The following ATP12A variants were observed in gnomAD, a reference collection of about 807,000 sequenced individuals.
ATP12A encodes the protein ATPase H+/K+ transporting non-gastric alpha2 subunit, also known as potassium-transporting ATPase alpha chain 2.
A neutral mutation model predicts 111.2 loss-of-function variants in ATP12A; 81 were observed. The observed-to-expected ratio is 0.73, with a 90% confidence interval of 0.61 to 0.88. The LOEUF is 0.88. ATP12A is among the 40% of genes least tolerant of loss of function. The pLI is 0.00. For missense variants in ATP12A, 1,196 were observed against 1,313.1 expected (o/e 0.91, Z 1.38); for synonymous variants, 498 against 499.8 (o/e 1.00, Z 0.05).
intron 17 of ATP12A, among the ~76,000 whole-genome samples, chr13:24,708,102 C>T (rs1875750400): frequency 1.3e-5 from 2 of 152,158 alleles, no homozygotes; most frequent in Admixed American, 6.5e-5. Context: ...GGCCCAGTGA[C>T]TAAAGTGATA....
At chr13:24,698,300 C>T (rs1335305516) in intron 11 of ATP12A, among the ~76,000 whole-genome samples, 1 of 152,100 alleles carries the variant, frequency 6.6e-6, no homozygotes, top group Non-Finnish European at 1.5e-5. Context: ...GACGGCTGCT[C>T]CCCACAGGGA....
In ATP12A at chr13:24,692,578, G is replaced by A. The variant is rs754888521; in HGVS notation, c.1218G>A (p.Leu406=). 1 of 1,614,124 alleles carries A rather than the reference G, an allele frequency of 6.2e-7. No homozygotes were observed. Among genetic ancestry groups the A allele is most frequent in the Non-Finnish European group, 8.5e-7 (1 of 1,179,956 alleles). The change falls in exon 9 of 23, where the codon CTG becomes CTA. Residue 406 remains leucine (L), a synonymous_variant. Transcript: ENST00000381946. ...LTQNRMTVAH[L]WFDNQIFVAD... ...AGAACAGGATGACAGTGGCCCATCT[G>A]TGGTTCGACAATCAGATCTTTGTGG... is the stretch of plus-strand genomic sequence containing the variant.
At chr13:24,708,937 GAAAGAAAGA>G (rs1566078266) in intron 17 of ATP12A, among the ~76,000 whole-genome samples, 1 of 142,876 alleles carries the variant, frequency 7.0e-6, no homozygotes, top group African/African-American at 2.8e-5. Flanking sequence ...AAGAAAGAAA[GAAAGAAAGA>G]AAGAAAGAAA....
At chr13:24,696,264 C>A (rs536488436) in intron 11 of ATP12A, among the ~76,000 whole-genome samples, 1 of 152,188 alleles carries the variant, frequency 6.6e-6, no homozygotes, top group South Asian at 2.1e-4. Flanking sequence ...TTAGATGATG[C>A]CTCCATCAGC....
intron 10 of ATP12A, among the ~76,000 whole-genome samples, chr13:24,693,749 A>G (rs566874122): frequency 2.4e-4 from 36 of 152,376 alleles, no homozygotes; most frequent in African/African-American, 7.7e-4. Flanking sequence ...AATATTTGGA[A>G]GTCATCTTTG....
intron 1 of ATP12A, among the ~76,000 whole-genome samples, chr13:24,680,975 G>C (rs1256213578): frequency 6.6e-6 from 1 of 152,242 alleles, no homozygotes; most frequent in Non-Finnish European, 1.5e-5. Flanking sequence ...GGGGAAAGAA[G>C]CCAGTCCAGA....
chr13:24,688,448 T>C lies in ATP12A; in HGVS notation c.358T>C (p.Trp120Arg), dbSNP rs778995980. The C allele has an allele frequency of 3.7e-6, 6 of 1,613,828 alleles. No homozygotes were observed. The African/African-American group carries it at 8.0e-5, about 22-fold the overall frequency. The change falls in exon 4 of 23, where the codon TGG becomes CGG. Residue 120 changes from tryptophan to arginine, a missense_variant. Trp to Arg is a moderately radical substitution (Grantham distance 101, BLOSUM62 -3). This residue lies in a region of ATP12A where 1,126 missense variants were observed against 1,228.5 expected (regional missense o/e 0.92). Transcript: ENST00000381946. ...GGTGGGGGGGTTCTCTATCCTCCTGTGGGTGGGCGCCTTTCTCTGTTGGAT... is the reference window on the plus strand; with the variant it reads ...GGTGGGGGGGTTCTCTATCCTCCTGCGGGTGGGCGCCTTTCTCTGTTGGAT... Reference protein sequence around the residue: ...QMVGGFSILLWVGAFLCWIAY... With the variant: ...QMVGGFSILLRVGAFLCWIAY...
rs1459854284 is a variant in ATP12A, at chr13:24,711,532, C to A, written c.*10C>A. 3 of 1,614,038 alleles carry A rather than the reference C, an allele frequency of 1.9e-6. No homozygotes were observed. The African/African-American group carries it at 4.0e-5, about 22-fold the overall frequency. ...GAACATGTATTATTAAGACCACCTCCCTTCCTATGTCTCTCAGCAGCACGT... is the reference window on the plus strand; with the variant it reads ...GAACATGTATTATTAAGACCACCTCACTTCCTATGTCTCTCAGCAGCACGT... On this transcript the variant is annotated 3_prime_UTR_variant, in exon 23 of 23. Coordinates refer to ENST00000381946, the MANE Select transcript of ATP12A (RefSeq NM_001676.7).
chr13:24,710,121 C>G (rs954029147), intron 19 of ATP12A, among the ~76,000 whole-genome samples: 1 of 152,194 alleles, frequency 6.6e-6, no homozygotes, highest in African/African-American at 2.4e-5. Flanking sequence ...TTACATCTTT[C>G]AGGCCGGGTG....
intron 18 of ATP12A, 62 bp downstream of exon 18, chr13:24,709,549 G>A: frequency 6.2e-7 from 1 of 1,600,422 alleles, no homozygotes; most frequent in Non-Finnish European, 8.5e-7. Context: ...CACTGGAGTG[G>A]GGGGCACAGC....
chr13:24,696,135 G>A (rs1462034345), intron 11 of ATP12A, among the ~76,000 whole-genome samples: 1 of 152,102 alleles, frequency 6.6e-6, no homozygotes, highest in Non-Finnish European at 1.5e-5. Flanking sequence ...GATAATAGGA[G>A]CTATTCTGTG....
chr13:24,682,959 C>CTTT (rs34361489), intron 2 of ATP12A, among the ~76,000 whole-genome samples: 3 of 139,040 alleles, frequency 2.2e-5, no homozygotes, highest in African/African-American at 8.0e-5. Context: ...TAAAACTAGC[C>CTTT]TTTTTTTTTT....
chr13:24,711,891 C>T lies in ATP12A; in HGVS notation c.*369C>T. ...CTCTAGCTAGGATTGCTCAGAACTC[C>T]TTTCCACACCCTATTAAAGGCCCCA... is the stretch of plus-strand genomic sequence containing the variant. On this transcript the variant is annotated 3_prime_UTR_variant, in exon 23 of 23. Transcript: ENST00000381946. 1 of 287,088 alleles carries T rather than the reference C, an allele frequency of 3.5e-6. No homozygotes were observed. 17.8% of individuals were successfully genotyped at this position (287,088 alleles called of 1,614,324 possible).
Position 24,685,643 on chromosome 13 carries a change from G to A in ATP12A, c.228+270G>A, listed in dbSNP as rs1874639444. Among the ~76,000 whole-genome samples the A allele has an allele frequency of 6.6e-6, 1 of 152,192 alleles. No individual in the cohort carries two copies. The highest frequency in any genetic ancestry group is 1.5e-5 in the Non-Finnish European group (1 of 68,040). ...AGGAGAAAGTGGCCGGGTAGGGGAG[G>A]CAAATGTGTATGGAAGTGTCCTGAG... On this transcript the variant is annotated intron_variant, in intron 3 of 22. Coordinates refer to ENST00000381946, the MANE Select transcript of ATP12A (RefSeq NM_001676.7). This position sits in a 1 kb window ranked among gnomAD's most constrained non-coding sequence, Gnocchi z 5.5.
rs1265981069 is a variant in ATP12A at position 24,708,942 on chromosome 13, A to AAAGG, written c.2494-419_2494-418insGAAG. Among the ~76,000 whole-genome samples, 42 of 107,856 alleles carry AAAGG rather than the reference A, an allele frequency of 3.9e-4. 1 individual carries two copies. The highest frequency in any genetic ancestry group is 1.6e-3 in the African/African-American group (41 of 24,868). 70.8% of individuals were successfully genotyped at this position (107,856 alleles called of 152,430 possible). A position where few individuals can be genotyped will look rare whatever the true frequency, so the allele number is the denominator to read the frequency against. On this transcript the variant is annotated intron_variant, in intron 17 of 22. Transcript: ENST00000381946. ...GAAAGAAAGAAAGAAAGAAAGAAAG[A>AAAGG]AAGAAAGAAAGAAAGAAAGAAGGAA...
In ATP12A at chr13:24,680,663, G is replaced by T; in HGVS notation, c.-81G>T. The T allele has an allele frequency of 2.7e-6, 4 of 1,470,668 alleles. No individual in the cohort carries two copies. The highest frequency in any genetic ancestry group is 3.6e-6 in the Non-Finnish European group (4 of 1,106,974). The allele number at this position is 1,470,668 out of a possible 1,614,324, so 91.1% of individuals were successfully genotyped here. A position where few individuals can be genotyped will look rare whatever the true frequency, so the allele number is the denominator to read the frequency against. ...GCCACTGCCACTGCCACAGCCACAC[G>T]AGGCCCCCCACCGTGCGCTCCGCCG... On this transcript the variant is annotated 5_prime_UTR_variant, in exon 1 of 23. Transcript: ENST00000381946.
Position 24,698,725 on chromosome 13 carries a change from A to G in ATP12A, c.1580A>G (p.Glu527Gly), listed in dbSNP as rs1317089656. The G allele has an allele frequency of 1.2e-6, 2 of 1,614,048 alleles. No homozygotes were observed. Among genetic ancestry groups the G allele is most frequent in the Non-Finnish European group, 1.7e-6 (2 of 1,180,020 alleles). ...RFLMVMKGAP[E>G]RILEKCSTIM... is the part of the protein sequence containing the mutation. Reference sequence around the variant, plus strand: ...CTCATGGTGATGAAGGGGGCCCCTGAGCGCATCCTAGAGAAATGCAGCACC... The same window carrying G: ...CTCATGGTGATGAAGGGGGCCCCTGGGCGCATCCTAGAGAAATGCAGCACC... The change falls in exon 12 of 23, where the codon GAG becomes GGG. Residue 527 changes from glutamate (E) to glycine (G), a missense_variant. Glu to Gly is a moderately conservative substitution (Grantham distance 98, BLOSUM62 -2). Around this residue, in one of 3 missense-constraint regions of ATP12A, gnomAD observed 1,126 missense variants for 1,228.5 expected, o/e 0.92. Coordinates refer to ENST00000381946, the MANE Select transcript of ATP12A (RefSeq NM_001676.7).
At position 24,707,026 on chromosome 13, in the gene ATP12A, G is replaced by A. The variant is rs1875689913; in HGVS notation, c.2173G>A (p.Ala725Thr). The A allele has an allele frequency of 1.9e-6, 3 of 1,598,870 alleles. No homozygotes were observed. Among genetic ancestry groups the A allele is most frequent in the Non-Finnish European group, 2.6e-6 (3 of 1,171,292 alleles). The change falls in exon 16 of 23, where the codon GCT becomes ACT. Residue 725 changes from alanine (A) to threonine (T), a missense_variant. By Grantham distance (58) the Ala-to-Thr change is moderately conservative. Coordinates refer to ENST00000381946, the MANE Select transcript of ATP12A (RefSeq NM_001676.7). ...CTCCCTGGGTCCCCCGCCATAGGATGCTGTTGTTGCTGTGACCGGGGATGG... is the reference window on the plus strand; with the variant it reads ...CTCCCTGGGTCCCCCGCCATAGGATACTGTTGTTGCTGTGACCGGGGATGG... ...IIVEGCQRQD[A>T]VVAVTGDGVN...
At chr13:24,694,298 C>T (rs144981328) in intron 10 of ATP12A, 146 bp from the exon 11 acceptor site, 975 of 1,019,804 alleles carry the variant, frequency 9.6e-4, no homozygotes, top group African/African-American at 2.3e-3. Flanking sequence ...ACGCTTACCA[C>T]GGTCTTGCGG....
Sources: allele counts gnomAD v4.1 joint callset (sites outside exome capture counted in the v4.1 genomes callset), GRCh38; gene constraint gnomAD v4.1.1; regional missense constraint gnomAD v4.1.1; non-coding constraint Gnocchi (gnomAD v3.1); transcripts MANE v1.5; gene names NCBI Gene and HGNC (gene_info 2026-07-23, HGNC 2026-07-21).